NALF1: variants seen among roughly 807,000 people sequenced by gnomAD.
NALF1 encodes NALCN channel auxiliary factor 1, also known as family with sequence similarity 155 member A.
NALF1 carries 3 observed loss-of-function variants against 48.4 expected under a neutral mutation model. The observed-to-expected ratio is 0.06, with a 90% CI of 0.03 to 0.16. The LOEUF is 0.16. Ranked by LOEUF, NALF1 falls within the 10% of genes least tolerant of loss-of-function variation. The pLI is 1.00. For synonymous variants in NALF1, 262 were observed against 245.7 expected (o/e 1.07, Z -0.62); for missense variants, 526 against 571.5 (o/e 0.92, Z 0.81).
intron 1 of NALF1, among the ~76,000 whole-genome samples, chr13:107,718,835 T>G (rs1875899657): frequency 6.6e-6 from 1 of 152,312 alleles, no homozygotes; most frequent in South Asian, 2.1e-4. Flanking sequence ...AAAATTCATT[T>G]CCTCGGTCAC....
chr13:107,624,321 G>C (rs1173175849), intron 1 of NALF1, among the ~76,000 whole-genome samples: 1 of 152,034 alleles, frequency 6.6e-6, no homozygotes, highest in African/African-American at 2.4e-5. Flanking sequence ...AGCAAGGATG[G>C]GAAAAACATA....
intron 1 of NALF1, among the ~76,000 whole-genome samples, chr13:107,503,687 T>C (rs777206740): frequency 6.6e-6 from 1 of 151,716 alleles, no homozygotes; most frequent in South Asian, 2.1e-4. Context: ...AGCCAAGATA[T>C]GGAAACAACC....
intron 1 of NALF1, among the ~76,000 whole-genome samples, chr13:107,302,975 T>G (rs1881866950): frequency 6.6e-6 from 1 of 152,218 alleles, no homozygotes; most frequent in Non-Finnish European, 1.5e-5. Flanking sequence ...GTTTGCCAAC[T>G]TGTGACCTAG....
At chr13:107,847,737 A>G (rs1013297471) in intron 1 of NALF1, among the ~76,000 whole-genome samples, 1 of 152,142 alleles carries the variant, frequency 6.6e-6, no homozygotes, top group Non-Finnish European at 1.5e-5. Flanking sequence ...AGAGCCTCAA[A>G]TAAGACCCCA....
intron 1 of NALF1, among the ~76,000 whole-genome samples, chr13:107,541,686 T>C (rs1345934110): frequency 6.6e-6 from 1 of 152,118 alleles, no homozygotes. Context: ...TTACTGATAA[T>C]GACATGATAG....
chr13:107,748,548 G>C (rs1258843510), intron 1 of NALF1, among the ~76,000 whole-genome samples: 31 of 152,092 alleles, frequency 2.0e-4, no homozygotes, highest in Admixed American at 2.0e-3. Context: ...AATCTCCAGT[G>C]TCCAAAGCAC....
intron 1 of NALF1, among the ~76,000 whole-genome samples, chr13:107,340,227 G>A (rs1298565790): frequency 1.4e-5 from 2 of 147,722 alleles, no homozygotes; most frequent in African/African-American, 2.5e-5. Flanking sequence ...TGCAACCTCT[G>A]CCTCCCGGGT....
chr13:107,441,618 T>C (rs1884561517), intron 1 of NALF1, among the ~76,000 whole-genome samples: 1 of 152,174 alleles, frequency 6.6e-6, no homozygotes, highest in South Asian at 2.1e-4. Context: ...AGAAATATTA[T>C]GAATTTAGAA....
intron 1 of NALF1, among the ~76,000 whole-genome samples, chr13:107,828,550 G>A (rs1879592565): frequency 6.9e-6 from 1 of 145,682 alleles, no homozygotes; most frequent in African/African-American, 2.5e-5. Context: ...AGAATAGGTA[G>A]AGAGTCATAT....
intron 1 of NALF1, among the ~76,000 whole-genome samples, chr13:107,817,697 C>T (rs1879208289): frequency 6.6e-6 from 1 of 152,150 alleles, no homozygotes; most frequent in African/African-American, 2.4e-5. Flanking sequence ...CTCAAATATG[C>T]TCAATTCTAA....
chr13:107,426,574 C>T (rs1489142400), intron 1 of NALF1, among the ~76,000 whole-genome samples: 1 of 152,066 alleles, frequency 6.6e-6, no homozygotes, highest in Non-Finnish European at 1.5e-5. Context: ...CATAAGCAAT[C>T]AACCATAAAA....
intron 1 of NALF1, among the ~76,000 whole-genome samples, chr13:107,495,830 G>A (rs1875316441): frequency 1.3e-5 from 2 of 152,098 alleles, no homozygotes; most frequent in African/African-American, 4.8e-5. Flanking sequence ...CTAATCTGAT[G>A]TTCATTGAGG....
At chr13:107,769,560 G>A (rs945984787) in intron 1 of NALF1, among the ~76,000 whole-genome samples, 4 of 113,666 alleles carry the variant, frequency 3.5e-5, no homozygotes, top group African/African-American at 3.3e-5. Context: ...GGAGGGGGGA[G>A]GGATAGCATC....
intron 1 of NALF1, among the ~76,000 whole-genome samples, chr13:107,609,314 C>T (rs1043615874): frequency 6.6e-6 from 1 of 152,178 alleles, no homozygotes; most frequent in Non-Finnish European, 1.5e-5. Flanking sequence ...TCTGTCCTTG[C>T]AACCTGGAAC....
intron 1 of NALF1, among the ~76,000 whole-genome samples, chr13:107,475,847 G>A (rs1302263300): frequency 6.6e-6 from 1 of 152,124 alleles, no homozygotes; most frequent in South Asian, 2.1e-4. Context: ...ACCAAAGACA[G>A]AGACACACAT....
intron 1 of NALF1, among the ~76,000 whole-genome samples, chr13:107,290,190 A>C (rs1003409693): frequency 2.6e-5 from 4 of 151,832 alleles, no homozygotes; most frequent in South Asian, 2.1e-4. Flanking sequence ...AAAAAAACAA[A>C]AAAAAAAACC....
chr13:107,735,004 A>G (rs950651952), intron 1 of NALF1, among the ~76,000 whole-genome samples: 6 of 152,144 alleles, frequency 3.9e-5, no homozygotes, highest in Admixed American at 6.6e-5. Flanking sequence ...ATCAAAGACT[A>G]CTGCTCCTGG....
rs1880975866 is a variant in NALF1 at position 107,670,915 on chromosome 13, T to C, written c.915+194767A>G. 1.3e-5 allele frequency among the ~76,000 whole-genome samples: 2 copies of C among 152,262 alleles called. 1 individual carries two copies. The highest frequency in any genetic ancestry group is 4.1e-4 in the South Asian group (2 of 4,834). On this transcript the variant is annotated intron_variant, in intron 1 of 2. Coordinates refer to ENST00000375915, the MANE Select transcript of NALF1 (RefSeq NM_001080396.3). ...ATTTTTGGGTCTTGAGATTCCATTG[T>C]CTAGCCTCTTCTCCATCCTTTCGAG...
chr13:107,778,370 A>G (rs1333863807), intron 1 of NALF1, among the ~76,000 whole-genome samples: 2 of 152,232 alleles, frequency 1.3e-5, no homozygotes, highest in East Asian at 3.9e-4. Flanking sequence ...GAAGAGTGGA[A>G]CATCTAATGT....
Sources: allele counts gnomAD v4.1 joint callset (sites outside exome capture counted in the v4.1 genomes callset), GRCh38; gene constraint gnomAD v4.1.1; transcripts MANE v1.5; gene names NCBI Gene and HGNC (gene_info 2026-07-23, HGNC 2026-07-21).